PHYH: variants seen among roughly 807,000 people sequenced by gnomAD.
The protein encoded by PHYH is phytanoyl-CoA 2-hydroxylase.
A neutral mutation model predicts 38.5 loss-of-function variants in PHYH; 32 were observed. The observed-to-expected ratio is 0.83, with a 90% confidence interval of 0.63 to 1.12. PHYH has a LOEUF of 1.12. Ranked by LOEUF, PHYH falls within the 50% of genes most tolerant of loss-of-function variation. The pLI, the probability that PHYH is intolerant of heterozygous loss-of-function variation, is 0.00. For missense variants in PHYH, 426 were observed against 434.8 expected (o/e 0.98, Z 0.18); for synonymous variants, 166 against 157.9 (o/e 1.05, Z -0.38).
intron 6 of PHYH, 60 bp from the exon 7 acceptor site, chr10:13,283,899 C>T: frequency 7.2e-7 from 1 of 1,379,856 alleles, no homozygotes; most frequent in Non-Finnish European, 1.0e-6. Flanking sequence ...AAAACATTGT[C>T]AATGGTTCAT....
chr10:13,288,509 C>G lies in PHYH; in HGVS notation c.529G>C (p.Asp177His). 6.2e-7 allele frequency: 1 copy of G among 1,614,132 alleles called. No individual in the cohort carries two copies. Among genetic ancestry groups the G allele is most frequent in the East Asian group, 2.2e-5 (1 of 44,870 alleles). ...GGCCTGAAGGGGAAATAGTGCAGGTCCTGGTGCAGGGGGTGACGGGACGTC... is the reference window on the plus strand; with the variant it reads ...GGCCTGAAGGGGAAATAGTGCAGGTGCTGGTGCAGGGGGTGACGGGACGTC... ...KKTSRHPLHQDLHYFPFRPSD... is the reference protein window; with the variant it reads ...KKTSRHPLHQHLHYFPFRPSD... Residue 177 changes from aspartate to histidine, a missense_variant, in exon 6 of 9, where the codon GAC (aspartate) becomes CAC (histidine). Asp to His is a moderately conservative substitution (Grantham distance 81). Coordinates refer to ENST00000263038, the MANE Select transcript of PHYH (RefSeq NM_006214.4).
At chr10:13,298,767 A>G (rs74537729) in intron 1 of PHYH, among the ~76,000 whole-genome samples, 8,734 of 112,652 alleles carry the variant, frequency 0.078, 365 homozygotes, top group East Asian at 0.14. Context: ...TACTACTGCT[A>G]CTACTACTAC....
chr10:13,298,839 G>T (rs1832653773), intron 1 of PHYH, among the ~76,000 whole-genome samples: 2 of 123,940 alleles, frequency 1.6e-5, no homozygotes, highest in African/African-American at 5.6e-5. Context: ...GCTTGAACCT[G>T]GGAGGCGGAG....
intron 6 of PHYH, among the ~76,000 whole-genome samples, chr10:13,287,044 A>C (rs4750342): frequency 6.6e-6 from 1 of 151,976 alleles, no homozygotes; most frequent in East Asian, 1.9e-4. Context: ...TTTGTTTTTT[A>C]ATTAAAAGCT....
intron 1 of PHYH, 136 bp downstream of exon 1, chr10:13,299,832 G>A (rs1255621580): frequency 7.5e-7 from 1 of 1,325,858 alleles, no homozygotes; most frequent in Middle Eastern, 2.8e-4. Context: ...ACCCAGGCGG[G>A]GACGCGGCGC....
In PHYH at chr10:13,281,093, G is replaced by A. The variant is rs373839944; in HGVS notation, c.846C>T (p.Phe282=). The change falls in exon 8 of 9, where the codon TTC becomes TTT. Residue 282 remains phenylalanine (F), a synonymous_variant. Coordinates refer to ENST00000263038, the MANE Select transcript of PHYH (RefSeq NM_006214.4). ...CAATGTAGTGGCAATCGGCACTGGC[G>A]AAATGGCAGGAAATTGCCTGTGCAA... ...QGFRKAISCH[F]ASADCHYIDV... The A allele has an allele frequency of 2.7e-5, 44 of 1,614,016 alleles. No individual in the cohort carries two copies. Among genetic ancestry groups the A allele is most frequent in the Admixed American group, 1.2e-4 (7 of 59,986 alleles).
In PHYH at chr10:13,294,486, G is replaced by C; in HGVS notation, c.356C>G (p.Thr119Arg). The change falls in exon 4 of 9, where the codon ACG (threonine) becomes AGG (arginine). Residue 119 changes from threonine (T) to arginine (R), a missense_variant. Transcript: ENST00000263038. ...ATCTTCCTGGAAATCCTGGACCTTC[G>C]TGATCATCTTCTCACTTGGAGCATA... ...SEYAPSEKMI[T>R]KVQDFQEDKE... 1 of 1,614,078 alleles carries C rather than the reference G, an allele frequency of 6.2e-7. No homozygotes were observed. Among genetic ancestry groups the C allele is most frequent in the Non-Finnish European group, 8.5e-7 (1 of 1,179,950 alleles).
chr10:13,299,576 G>A, intron 1 of PHYH: 3 of 1,025,226 alleles, frequency 2.9e-6, no homozygotes, highest in Non-Finnish European at 3.5e-6. Context: ...GCCTGCCTGG[G>A]CCGGTTCCAG....
rs546291238 is a variant in PHYH at position 13,300,062 on chromosome 10, C to T, written c.-20G>A. The T allele has an allele frequency of 6.5e-6, 10 of 1,529,246 alleles. No individual in the cohort carries two copies. The African/African-American group carries it at 1.1e-4, about 17-fold the overall frequency. The allele number at this position is 1,529,246 out of a possible 1,614,324, so 94.7% of individuals were successfully genotyped here. On this transcript the variant is annotated 5_prime_UTR_variant, in exon 1 of 9. Transcript: ENST00000263038. ...CTCCATGGCTGCGGCGCGGGGAACC[C>T]CCACCCCTCCCGGCCTCTGCCCCAT...
At chr10:13,284,251 G>A (rs867021005) in intron 6 of PHYH, among the ~76,000 whole-genome samples, 1 of 152,090 alleles carries the variant, frequency 6.6e-6, no homozygotes, top group African/African-American at 2.4e-5. Context: ...TGAGCCGGGA[G>A]GGGGAGGTTC....
At chr10:13,282,705 G>A (rs925600304) in intron 7 of PHYH, among the ~76,000 whole-genome samples, 1 of 152,040 alleles carries the variant, frequency 6.6e-6, no homozygotes. Flanking sequence ...TGAAGGTTGT[G>A]CTAGTGTGGG....
At chr10:13,297,310 C>T (rs942396341) in intron 2 of PHYH, among the ~76,000 whole-genome samples, 1 of 152,162 alleles carries the variant, frequency 6.6e-6, no homozygotes, top group African/African-American at 2.4e-5. Context: ...AAACTCAAAT[C>T]ACCCAACCTA....
intron 1 of PHYH, among the ~76,000 whole-genome samples, chr10:13,299,185 C>T (rs12570229): frequency 0.64 from 95,613 of 150,536 alleles, 31,125 homozygotes; most frequent in East Asian, 0.79. Context: ...TAAAGATCTC[C>T]TTTCTATCCG....
rs1203997089 is a variant in PHYH at position 13,299,974 on chromosome 10, C to A, written c.69G>T (p.Gly23=). The change falls in exon 1 of 9, where the codon GGG becomes GGT. Residue 23 remains glycine (G), a synonymous_variant. Transcript: ENST00000263038. The stretch of plus-strand genomic sequence containing the variant: ...CGCGCAGCCCAAAGGATACGACAGC[C>A]CCGGCCGAGGGGCGGCCGAGGTGGC... The part of the protein sequence containing the change: ...VLGHLGRPSA[G]AVVAHPTSGT... The A allele has an allele frequency of 6.5e-7, 1 of 1,530,806 alleles. No individual in the cohort carries two copies. The highest frequency in any genetic ancestry group is 2.5e-5 in the East Asian group (1 of 40,254). The allele number at this position is 1,530,806 out of a possible 1,614,324, so 94.8% of individuals were successfully genotyped here. A position where few individuals can be genotyped will look rare whatever the true frequency, so the allele number is the denominator to read the frequency against.
Position 13,288,461 on chromosome 10 carries a change from A to G in PHYH, c.577T>C (p.Trp193Arg). Residue 193 changes from tryptophan (W) to arginine (R), a missense_variant, in exon 6 of 9, where the codon TGG becomes CGG. Physicochemically the swap from Trp to Arg is moderately radical, Grantham distance 101. Transcript: ENST00000263038. ...CGGCTGATGTGCTCCATCGCCGTCC[A>G]GGCGCAAACGATGAGATCGCTGGGC... ...FRPSDLIVCAWTAMEHISRNN... is the reference protein window; with the variant it reads ...FRPSDLIVCARTAMEHISRNN... 3.7e-6 allele frequency: 6 copies of G among 1,614,240 alleles called. No homozygotes were observed. Among genetic ancestry groups the G allele is most frequent in the South Asian group, 1.1e-5 (1 of 91,084 alleles).
chr10:13,290,393 T>G (rs767248763), intron 5 of PHYH, among the ~76,000 whole-genome samples: 2 of 152,122 alleles, frequency 1.3e-5, no homozygotes, highest in Non-Finnish European at 2.9e-5. Context: ...CACACTGACA[T>G]TTTCCCCTGG....
chr10:13,298,121 T>C lies in PHYH; in HGVS notation c.134+66A>G, dbSNP rs1223982093. On this transcript the variant is annotated intron_variant, in intron 2 of 8. Coordinates refer to ENST00000263038, the MANE Select transcript of PHYH (RefSeq NM_006214.4). ...CAGGTAACATATTATGTGGTATATC[T>C]TCATTACCACTCAAGAAACTTTTAT... 3.2e-6 allele frequency: 3 copies of C among 933,692 alleles called. No homozygotes were observed. The African/African-American group carries it at 4.9e-5, about 15-fold the overall frequency. 57.8% of individuals were successfully genotyped at this position (933,692 alleles called of 1,614,324 possible). A position where few individuals can be genotyped will look rare whatever the true frequency, so the allele number is the denominator to read the frequency against.
intron 4 of PHYH, among the ~76,000 whole-genome samples, chr10:13,292,812 A>G (rs938406064): frequency 1.3e-5 from 2 of 151,990 alleles, no homozygotes; most frequent in Non-Finnish European, 1.5e-5. Context: ...ACACGTCGGT[A>G]ATCCCAGCTA....
intron 5 of PHYH, among the ~76,000 whole-genome samples, chr10:13,288,781 G>A (rs1247643109): frequency 6.6e-6 from 1 of 151,810 alleles, no homozygotes; most frequent in Non-Finnish European, 1.5e-5. Flanking sequence ...GTGGTGGCAT[G>A]CACCTGTAGT....
Sources: allele counts gnomAD v4.1 joint callset (sites outside exome capture counted in the v4.1 genomes callset), GRCh38; gene constraint gnomAD v4.1.1; transcripts MANE v1.5; gene names NCBI Gene and HGNC (gene_info 2026-07-23, HGNC 2026-07-21).